Variants in CPXM2 observed in about 807,000 individuals in gnomAD.
CPXM2 encodes inactive carboxypeptidase-like protein X2.
Under a neutral mutation model 86.1 loss-of-function variants are expected in CPXM2, and 66 were observed. That is an observed-to-expected ratio of 0.77 (90% confidence interval 0.63 to 0.94). CPXM2 has a LOEUF of 0.94. Among genes scored for constraint, CPXM2 ranks in the 40% least tolerant of loss-of-function variants. The pLI, the probability that CPXM2 is intolerant of heterozygous loss-of-function variation, is 0.00. For missense variants in CPXM2, 948 were observed against 1,026.3 expected, an observed-to-expected ratio of 0.92 and a Z score of 1.04; for synonymous variants, 388 against 400.2, an observed-to-expected ratio of 0.97 and a Z score of 0.36.
intron 4 of CPXM2, among the ~76,000 whole-genome samples, chr10:123,803,409 G>GCC (rs1178259276): frequency 6.6e-6 from 1 of 151,988 alleles, no homozygotes; most frequent in African/African-American, 2.4e-5. Flanking sequence ...ACCATGCCCA[G>GCC]CCTGTGGTAT....
intron 4 of CPXM2, among the ~76,000 whole-genome samples, chr10:123,836,664 C>T (rs1848287640): frequency 6.6e-6 from 1 of 152,228 alleles, no homozygotes; most frequent in Non-Finnish European, 1.5e-5. Flanking sequence ...AATCCTGTCA[C>T]ATCCCCTGTC....
chr10:123,751,410 C>T (rs987173453), intron 13 of CPXM2: 14 of 636,378 alleles, frequency 2.2e-5, no homozygotes, highest in African/African-American at 7.9e-5. Context: ...TTTGCCCTTC[C>T]GAAGTTTTGC....
intron 3 of CPXM2, among the ~76,000 whole-genome samples, chr10:123,857,948 T>C (rs576297323): frequency 6.7e-6 from 1 of 148,312 alleles, no homozygotes; most frequent in East Asian, 2.1e-4. Context: ...TCATAGACTT[T>C]ACACTCACCC....
At position 123,750,986 on chromosome 10, in the gene CPXM2, G is replaced by A. The variant is rs555789214; in HGVS notation, c.2017+3677C>T. Reference sequence around the variant, plus strand: ...TGCAGTGTTGGGCTGTTGTCCCCATGAGTGCTCAGGTCTGTGTTCAGGGTG... The same window carrying A: ...TGCAGTGTTGGGCTGTTGTCCCCATAAGTGCTCAGGTCTGTGTTCAGGGTG... On this transcript the variant is annotated intron_variant, in intron 13 of 13. Transcript: ENST00000241305. 1.3e-4 allele frequency: 130 copies of A among 985,440 alleles called. No individual in the cohort carries two copies. In the African/African-American group the frequency reaches 2.0e-3, roughly 15 times the overall value. 61.0% of individuals were successfully genotyped at this position (985,440 alleles called of 1,614,324 possible).
At chr10:123,896,582 A>T (rs1263645174), upstream of CPXM2, among the ~76,000 whole-genome samples, 1 of 152,174 alleles carries the variant, frequency 6.6e-6, no homozygotes, top group Non-Finnish European at 1.5e-5. Flanking sequence ...TTCTTAGTTC[A>T]TGGGTCCCTC....
intron 4 of CPXM2, among the ~76,000 whole-genome samples, chr10:123,815,619 C>G (rs935355281): frequency 6.6e-6 from 1 of 152,112 alleles, no homozygotes; most frequent in East Asian, 1.9e-4. Flanking sequence ...ATAAACCCTG[C>G]GCTGCCTGAG....
chr10:123,846,349 C>T (rs1237620628), intron 3 of CPXM2, among the ~76,000 whole-genome samples: 1 of 152,172 alleles, frequency 6.6e-6, no homozygotes, highest in African/African-American at 2.4e-5. Flanking sequence ...ATAAGGAGCG[C>T]ACAACCCAGA....
intron 11 of CPXM2, among the ~76,000 whole-genome samples, chr10:123,760,812 GC>G (rs1392085916): frequency 6.6e-6 from 1 of 152,074 alleles, no homozygotes; most frequent in Non-Finnish European, 1.5e-5. Context: ...TCATCATCAT[GC>G]CCGTTTTTAC....
chr10:123,875,733 G>A (rs567318083), intron 2 of CPXM2, among the ~76,000 whole-genome samples: 88 of 151,578 alleles, frequency 5.8e-4, no homozygotes, highest in African/African-American at 1.7e-3. Context: ...AAGCAAGCTC[G>A]CATTCACCAA....
chr10:123,889,642 T>C (rs767444689), intron 1 of CPXM2, among the ~76,000 whole-genome samples: 11 of 152,200 alleles, frequency 7.2e-5, no homozygotes, highest in Non-Finnish European at 1.3e-4. Context: ...AAAAAGGTTT[T>C]TACAGCAATT....
chr10:123,759,333 T>C (rs1366955612), intron 11 of CPXM2, among the ~76,000 whole-genome samples: 3 of 152,206 alleles, frequency 2.0e-5, no homozygotes, highest in African/African-American at 7.2e-5. Flanking sequence ...TCCACCCTTT[T>C]CGTCCTCATT....
chr10:123,871,332 G>C (rs1310356705), intron 2 of CPXM2, among the ~76,000 whole-genome samples: 2 of 152,146 alleles, frequency 1.3e-5, no homozygotes, highest in Admixed American at 6.5e-5. Flanking sequence ...CCCAACCAAT[G>C]TTCCCAAATG....
At chr10:123,874,378 A>G (rs1025446036) in intron 2 of CPXM2, among the ~76,000 whole-genome samples, 1 of 141,984 alleles carries the variant, frequency 7.0e-6, no homozygotes, top group Non-Finnish European at 1.6e-5. Flanking sequence ...CCCCCGCCCC[A>G]ACCACACACA....
intron 13 of CPXM2, among the ~76,000 whole-genome samples, chr10:123,748,513 A>C (rs759603069): frequency 1.4e-4 from 22 of 152,312 alleles, no homozygotes; most frequent in Non-Finnish European, 2.4e-4. Flanking sequence ...TCACAGGAGC[A>C]CAGGACATGA....
At chr10:123,787,165 C>A (rs1044865233) in intron 6 of CPXM2, among the ~76,000 whole-genome samples, 11 of 152,162 alleles carry the variant, frequency 7.2e-5, no homozygotes, top group Non-Finnish European at 1.3e-4. Flanking sequence ...GTTCCCCATG[C>A]AGCTGGGCTG....
At chr10:123,792,964 C>A (rs188063966) in intron 6 of CPXM2, among the ~76,000 whole-genome samples, 664 of 152,296 alleles carry the variant, frequency 4.4e-3, no homozygotes, top group Non-Finnish European at 6.5e-3. Flanking sequence ...CCCCAGAAAC[C>A]CTAGGGAAGG....
intron 10 of CPXM2, among the ~76,000 whole-genome samples, chr10:123,765,981 C>G (rs1021678551): frequency 2.0e-5 from 3 of 152,234 alleles, no homozygotes; most frequent in Non-Finnish European, 4.4e-5. Context: ...ATTTCCCAGC[C>G]TTCCTTGCAG....
At chr10:123,761,560 T>C (rs10794565) in intron 11 of CPXM2, among the ~76,000 whole-genome samples, 132,082 of 152,162 alleles carry the variant, frequency 0.87, 57,437 homozygotes, top group Admixed American at 0.88. Context: ...CTATCAAATC[T>C]GAATAGCTTG....
At chr10:123,931,689 A>G (rs1564825459) in intron 2 of CPXM2, 1 of 152,234 alleles carries the variant, frequency 6.6e-6, no homozygotes, top group Non-Finnish European at 1.5e-5. Flanking sequence ...GTGGTTATCA[A>G]ATCTTCCCAC....
Sources: allele counts gnomAD v4.1 joint callset (sites outside exome capture counted in the v4.1 genomes callset), GRCh38; gene constraint gnomAD v4.1.1; transcripts MANE v1.5; gene names NCBI Gene and HGNC (gene_info 2026-07-23, HGNC 2026-07-21).